DNAI3: variants seen among roughly 807,000 people sequenced by gnomAD.
DNAI3 encodes dynein axonemal intermediate chain 3, also known as WD repeat domain 63.
DNAI3 carries 83 observed loss-of-function variants against 115.5 expected under a neutral mutation model. The observed-to-expected ratio is 0.72, with a 90% CI of 0.60 to 0.86. The LOEUF (loss-of-function observed/expected upper bound fraction) is 0.86, where lower values mean the gene tolerates loss of function less well. DNAI3 is among the 40% of genes least tolerant of loss of function. The pLI, the probability that DNAI3 is intolerant of heterozygous loss-of-function variation, is 0.00. For missense variants in DNAI3, 1,004 were observed against 1,075.8 expected (o/e 0.93, Z 0.93); for synonymous variants, 320 against 347.0 (o/e 0.92, Z 0.86).
At chr1:85,119,674 G>T (rs904529113) in intron 17 of DNAI3, among the ~76,000 whole-genome samples, 1 of 151,824 alleles carries the variant, frequency 6.6e-6, no homozygotes, top group Non-Finnish European at 1.5e-5. Flanking sequence ...CTCTCACTCT[G>T]GCAGCTCTGT....
At chr1:85,080,591 G>C (rs576831342) in intron 3 of DNAI3, among the ~76,000 whole-genome samples, 8 of 152,306 alleles carry the variant, frequency 5.3e-5, no homozygotes, top group African/African-American at 1.9e-4. Context: ...CAGTCACCTG[G>C]TAAGAGAGAG....
At position 85,096,485 on chromosome 1, in the gene DNAI3, ATATATATAAAGAT is replaced by A. The variant is rs11269417; in HGVS notation, c.1263+500_1263+512del. On this transcript the variant is annotated intron_variant, in intron 11 of 22. Transcript: ENST00000294664. ...ATATATATATATAGATAGATTATATATATATATAAAGATTATATATAAAGATTATATATAAAGA... is the reference window on the plus strand; with the variant it reads ...ATATATATATATAGATAGATTATATATATATATAAAGATTATATATAAAGA... Among the ~76,000 whole-genome samples the A allele has an allele frequency of 5.1e-3, 748 of 146,480 alleles. 7 individuals are homozygous for A. The highest frequency in any genetic ancestry group is 0.017 in the African/African-American group (696 of 40,362).
intron 1 of DNAI3, among the ~76,000 whole-genome samples, chr1:85,069,571 G>T (rs1654205829): frequency 6.6e-6 from 1 of 151,928 alleles, no homozygotes; most frequent in Non-Finnish European, 1.5e-5. Flanking sequence ...GCTAAGTGGT[G>T]TGAAGAGTTT....
chr1:85,120,393 T>C (rs750409040), intron 17 of DNAI3, among the ~76,000 whole-genome samples: 2 of 152,200 alleles, frequency 1.3e-5, no homozygotes, highest in Non-Finnish European at 2.9e-5. Context: ...GCCAAGAATG[T>C]CAACACAGGG....
At chr1:85,126,760 C>G (rs189014481) in intron 20 of DNAI3, 45 bp downstream of exon 20, 1 of 1,604,422 alleles carries the variant, frequency 6.2e-7, no homozygotes, top group East Asian at 2.2e-5. Flanking sequence ...TTGGGTAACT[C>G]GGGAACATCT....
Position 85,127,808 on chromosome 1 carries a change from G to C in DNAI3, c.2318-900G>C, listed in dbSNP as rs572526113. Among the ~76,000 whole-genome samples, 150 of 152,228 alleles carry C rather than the reference G, an allele frequency of 9.9e-4. 1 individual carries two copies. Among genetic ancestry groups the C allele is most frequent in the Non-Finnish European group, 1.8e-3 (125 of 68,016 alleles). On this transcript the variant is annotated intron_variant, in intron 20 of 22. Transcript: ENST00000294664. ...TAAAAAGGAAAAGAACACACACACAGTGAGATAGAAAATTACAATTCTCAG... is the reference window on the plus strand; with the variant it reads ...TAAAAAGGAAAAGAACACACACACACTGAGATAGAAAATTACAATTCTCAG...
At chr1:85,071,266 C>T (rs1422186972) in intron 1 of DNAI3, among the ~76,000 whole-genome samples, 1 of 152,140 alleles carries the variant, frequency 6.6e-6, no homozygotes, top group African/African-American at 2.4e-5. Context: ...CACTCCTAAC[C>T]ATTTAAACAG....
chr1:85,078,801 A>G (rs2100563608), intron 3 of DNAI3, among the ~76,000 whole-genome samples: 1 of 152,232 alleles, frequency 6.6e-6, no homozygotes, highest in Non-Finnish European at 1.5e-5. Context: ...CTGTTTGCCA[A>G]CTCGAAGCAG....
intron 16 of DNAI3, among the ~76,000 whole-genome samples, chr1:85,115,673 T>C (rs990715670): frequency 1.3e-5 from 2 of 148,464 alleles, no homozygotes; most frequent in Non-Finnish European, 3.0e-5. Flanking sequence ...ACCAGTTTTG[T>C]GGAAGATAAT....
chr1:85,065,441 G>A (rs539045409), intron 1 of DNAI3, among the ~76,000 whole-genome samples: 77 of 152,154 alleles, frequency 5.1e-4, no homozygotes, highest in Non-Finnish European at 9.7e-4. Flanking sequence ...CGTTTTTAAA[G>A]GAAAAATGAG....
In DNAI3 at chr1:85,097,885, T is replaced by C. The variant is rs558272218; in HGVS notation, c.1350+230T>C. ...AAGTTGCACCATCTACCCAAGGATA[T>C]GAAGTTCTGTCTGGTTGTTATTGTT... is the stretch of plus-strand genomic sequence containing the variant. On this transcript the variant is annotated intron_variant, in intron 12 of 22. Transcript: ENST00000294664. Among the ~76,000 whole-genome samples the C allele has an allele frequency of 1.1e-4, 17 of 152,268 alleles. 1 individual carries two copies. In the South Asian group the frequency reaches 1.9e-3, roughly 17 times the overall value.
chr1:85,097,328 A>G (rs1029322603), intron 11 of DNAI3, among the ~76,000 whole-genome samples: 2 of 152,208 alleles, frequency 1.3e-5, no homozygotes, highest in African/African-American at 4.8e-5. Context: ...GGATTTTTTA[A>G]AAATACTGGC....
chr1:85,122,047 C>T (rs1656008096), intron 18 of DNAI3, among the ~76,000 whole-genome samples: 1 of 152,196 alleles, frequency 6.6e-6, no homozygotes, highest in Admixed American at 6.5e-5. Flanking sequence ...GAATTGGAAT[C>T]TGGATTTTAA....
At chr1:85,124,047 G>C in intron 18 of DNAI3, 74 bp from the exon 19 acceptor site, 1 of 1,591,810 alleles carries the variant, frequency 6.3e-7, no homozygotes, top group South Asian at 1.1e-5. Flanking sequence ...GTCCATTGGA[G>C]GTCTGTCCAT....
chr1:85,103,927 T>C (rs1655405815), intron 13 of DNAI3, among the ~76,000 whole-genome samples: 2 of 126,048 alleles, frequency 1.6e-5, no homozygotes, highest in Middle Eastern at 4.3e-3. Context: ...ATAATAATAA[T>C]AATAATTTAT....
chr1:85,086,586 C>T (rs754528424), intron 7 of DNAI3, among the ~76,000 whole-genome samples: 17 of 152,178 alleles, frequency 1.1e-4, no homozygotes, highest in Middle Eastern at 3.4e-3. Context: ...AGAATACCTG[C>T]GGTTCCACCT....
At chr1:85,091,927 G>A (rs971243) in intron 8 of DNAI3, among the ~76,000 whole-genome samples, 141,746 of 152,260 alleles carry the variant, frequency 0.93, 66,888 homozygotes, top group East Asian at 1. Flanking sequence ...AACCAGAGCG[G>A]AAGCCACGTC....
In DNAI3 at chr1:85,062,409, C is replaced by G. The variant is rs1164049425; in HGVS notation, c.-92C>G. ...TTTTCTGAGAGAGGAGAGTCAAACTCCCACCTCCAGCTCTCGAAGGAGCTT... is the reference window on the plus strand; with the variant it reads ...TTTTCTGAGAGAGGAGAGTCAAACTGCCACCTCCAGCTCTCGAAGGAGCTT... On this transcript the variant is annotated 5_prime_UTR_variant, in exon 1 of 23. Transcript: ENST00000294664. 6.6e-6 allele frequency: 1 copy of G among 152,202 alleles called. No individual in the cohort carries two copies. Among genetic ancestry groups the G allele is most frequent in the Non-Finnish European group, 1.5e-5 (1 of 68,042 alleles). 9.4% of individuals were successfully genotyped at this position (152,202 alleles called of 1,614,324 possible). A position where few individuals can be genotyped will look rare whatever the true frequency, so the allele number is the denominator to read the frequency against.
At chr1:85,123,113 G>A (rs1398733235) in intron 18 of DNAI3, among the ~76,000 whole-genome samples, 1 of 152,148 alleles carries the variant, frequency 6.6e-6, no homozygotes, top group Non-Finnish European at 1.5e-5. Context: ...TCCTATTCAA[G>A]TTGTCTCCAA....
Sources: gnomAD v4.1 joint callset for allele counts (sites outside exome capture counted in the v4.1 genomes callset) on GRCh38, gnomAD v4.1.1 for gene constraint, MANE v1.5 for transcripts, NCBI Gene and HGNC (gene_info 2026-07-23, HGNC 2026-07-21) for gene names.